Variants in PSD3 observed in about 807,000 individuals in gnomAD.
PSD3 encodes the protein PH and SEC7 domain-containing protein 3.
PSD3 carries 49 observed loss-of-function variants against 105.5 expected under a neutral mutation model. The observed-to-expected ratio is 0.46, with a 90% confidence interval of 0.37 to 0.59. The LOEUF is 0.59. PSD3 is among the 20% of genes least tolerant of loss of function. The pLI is 0.00. For missense variants in PSD3, 1,561 were observed against 1,263.8 expected, an observed-to-expected ratio of 1.24 and a Z score of -3.57; for synonymous variants, 557 against 457.8, an observed-to-expected ratio of 1.22 and a Z score of -2.77.
chr8:18,807,800 TC>T (rs1201501572), intron 4 of PSD3, among the ~76,000 whole-genome samples: 1 of 152,164 alleles, frequency 6.6e-6, no homozygotes, highest in Non-Finnish European at 1.5e-5. Context: ...TCCTACATCT[TC>T]CTTTATAGAC....
chr8:19,028,674 A>T (rs1194802906), intron 1 of PSD3, among the ~76,000 whole-genome samples: 1 of 152,128 alleles, frequency 6.6e-6, no homozygotes, highest in African/African-American at 2.4e-5. Flanking sequence ...TTTGAAGAAC[A>T]AATGTTTTAA....
At position 18,754,838 on chromosome 8, in the gene PSD3, A is replaced by G. The variant is rs529334713; in HGVS notation, c.2172+10611T>C. ...CTGTTTTCCTTTATGGGATATTTTG[A>G]CTATATAATTATAAATGCCTTTAAA... On this transcript the variant is annotated intron_variant, in intron 9 of 15. Coordinates refer to ENST00000327040, the MANE Select transcript of PSD3 (RefSeq NM_015310.4). Among the ~76,000 whole-genome samples, 17 of 152,192 alleles carry G rather than the reference A, an allele frequency of 1.1e-4. No individual in the cohort carries two copies. In the South Asian group the frequency reaches 2.5e-3, roughly 22 times the overall value.
chr8:18,791,845 C>G (rs1809749518), intron 8 of PSD3, among the ~76,000 whole-genome samples: 1 of 152,182 alleles, frequency 6.6e-6, no homozygotes, highest in Non-Finnish European at 1.5e-5. Flanking sequence ...TGGTCTAATA[C>G]CCGGCACCTA....
intron 1 of PSD3, among the ~76,000 whole-genome samples, chr8:19,051,244 G>A (rs368541553): frequency 4.2e-5 from 6 of 143,504 alleles, no homozygotes; most frequent in South Asian, 4.8e-4. Flanking sequence ...TCTTTGCCTC[G>A]ATAACCAGCG....
intron 8 of PSD3, among the ~76,000 whole-genome samples, chr8:18,773,398 T>C (rs149676321): frequency 2.3e-4 from 35 of 152,286 alleles, no homozygotes; most frequent in African/African-American, 8.4e-4. Context: ...CTTTGTAATA[T>C]GTTTAAAATA....
chr8:18,759,078 T>TCACA lies in PSD3; in HGVS notation c.2172+6367_2172+6370dup, dbSNP rs199628183. Reference sequence around the variant, plus strand: ...ACATCCTTTCAATTTAACCCATTCTTCACACACACACACACTCTCTCTCTC... The same window carrying TCACA: ...ACATCCTTTCAATTTAACCCATTCTTCACACACACACACACACACTCTCTCTCTC... On this transcript the variant is annotated intron_variant, in intron 9 of 15. Coordinates refer to ENST00000327040, the MANE Select transcript of PSD3 (RefSeq NM_015310.4). Among the ~76,000 whole-genome samples the TCACA allele has an allele frequency of 8.8e-4, 131 of 148,634 alleles. 1 individual carries two copies. Among genetic ancestry groups the TCACA allele is most frequent in the South Asian group, 4.0e-3 (19 of 4,724 alleles).
intron 4 of PSD3, among the ~76,000 whole-genome samples, chr8:18,808,227 T>G (rs1464187916): frequency 6.6e-6 from 1 of 152,228 alleles, no homozygotes; most frequent in Non-Finnish European, 1.5e-5. Context: ...TGTGTGCTTT[T>G]CCTATCATGT....
At chr8:18,537,085 G>A (rs913137521) in intron 15 of PSD3, among the ~76,000 whole-genome samples, 2 of 152,136 alleles carry the variant, frequency 1.3e-5, no homozygotes, top group African/African-American at 2.4e-5. Context: ...AAGCTGCTTC[G>A]TTTAACAATG....
rs148769466 is a variant in PSD3, at chr8:18,632,776, T to C, written c.2247A>G (p.Ser749=). Residue 749 remains serine, a synonymous_variant, in exon 11 of 16, where the codon TCA becomes TCG. Transcript: ENST00000327040. ...VDDEEKKKSP[S]ESTEEKANGT... is the part of the protein sequence containing the mutation. The stretch of plus-strand genomic sequence containing the variant: ...CGTTAGCTTTCTCCTCAGTACTTTC[T>C]GAGGGAGACTTTTTTTTCTCTTCAT... 2 of 1,592,986 alleles carry C rather than the reference T, an allele frequency of 1.3e-6. No homozygotes were observed. The highest frequency in any genetic ancestry group is 2.7e-5 in the African/African-American group (2 of 74,162).
intron 9 of PSD3, among the ~76,000 whole-genome samples, chr8:18,678,499 G>T (rs556202775): frequency 6.6e-6 from 1 of 152,306 alleles, no homozygotes; most frequent in Admixed American, 6.5e-5. Context: ...TCTTCGCCTT[G>T]CTTCTGCAAA....
chr8:18,827,769 G>A (rs1439866311), intron 4 of PSD3, among the ~76,000 whole-genome samples: 2 of 151,608 alleles, frequency 1.3e-5, no homozygotes, highest in Non-Finnish European at 1.5e-5. Context: ...AGTAAAACCG[G>A]TTGAATTTGA....
intron 1 of PSD3, 123 bp downstream of exon 1, chr8:19,013,440 A>G (rs1827047351): frequency 2.2e-6 from 3 of 1,359,552 alleles, no homozygotes; most frequent in Non-Finnish European, 3.0e-6. Context: ...CTATCCAGAC[A>G]GCACAAACCC....
At position 18,576,196 on chromosome 8, in the gene PSD3, T is replaced by C. The variant is rs560810221; in HGVS notation, c.2482-911A>G. On this transcript the variant is annotated intron_variant, in intron 12 of 15. Coordinates refer to ENST00000327040, the MANE Select transcript of PSD3 (RefSeq NM_015310.4). ...AAAACCAAGCAGTTCAAATGTACTA[T>C]TGCCATCAATTCAAATTGAGTCAAA... 5.3e-5 allele frequency among the ~76,000 whole-genome samples: 8 copies of C among 152,306 alleles called. No homozygotes were observed. In the South Asian group the frequency reaches 6.2e-4, roughly 12 times the overall value.
At chr8:18,568,710 T>C (rs1326450131) in intron 14 of PSD3, among the ~76,000 whole-genome samples, 2 of 151,582 alleles carry the variant, frequency 1.3e-5, no homozygotes, top group Non-Finnish European at 1.5e-5. Flanking sequence ...CTTCTTCTTT[T>C]TTTTTTTTAT....
chr8:18,906,945 T>G (rs976900746), intron 2 of PSD3, among the ~76,000 whole-genome samples: 2 of 152,166 alleles, frequency 1.3e-5, no homozygotes, highest in Non-Finnish European at 2.9e-5. Flanking sequence ...GTCTTCATTT[T>G]CAACAGAAAG....
At chr8:18,875,778 C>A (rs530306392) in intron 2 of PSD3, among the ~76,000 whole-genome samples, 1 of 152,152 alleles carries the variant, frequency 6.6e-6, no homozygotes, top group Non-Finnish European at 1.5e-5. Flanking sequence ...ACCTTGTGAT[C>A]CGCCCGCCTA....
chr8:18,899,383 C>A (rs999827826), intron 2 of PSD3, among the ~76,000 whole-genome samples: 5 of 152,158 alleles, frequency 3.3e-5, no homozygotes, highest in African/African-American at 1.2e-4. Context: ...TTTTCTCCAG[C>A]AAGAACTTAT....
At chr8:18,752,705 AAT>A (rs561445517) in intron 9 of PSD3, among the ~76,000 whole-genome samples, 12 of 116,726 alleles carry the variant, frequency 1.0e-4, no homozygotes, top group Admixed American at 2.2e-4. Flanking sequence ...TATAATATAT[AAT>A]ATATATATAT....
intron 9 of PSD3, among the ~76,000 whole-genome samples, chr8:18,727,551 A>AACACAC (rs56410753): frequency 0.083 from 11,436 of 137,544 alleles, 631 homozygotes; most frequent in Middle Eastern, 0.14. Flanking sequence ...AAAAAATCCA[A>AACACAC]ACACACACAC....
Sources: gnomAD v4.1 joint callset for allele counts (sites outside exome capture counted in the v4.1 genomes callset) on GRCh38, gnomAD v4.1.1 for gene constraint, MANE v1.5 for transcripts, NCBI Gene and HGNC (gene_info 2026-07-23, HGNC 2026-07-21) for gene names.